Variants in ZP3 observed in about 807,000 individuals in gnomAD.
The protein encoded by ZP3 is zona pellucida sperm-binding protein 3.
In ZP3, 21 loss-of-function variants were observed where a neutral mutation model predicts 35.6. The ratio of observed to expected loss-of-function variants is 0.59; its 90% confidence interval spans 0.42 to 0.85. The LOEUF (loss-of-function observed/expected upper bound fraction) is 0.85, where lower values mean the gene tolerates loss of function less well. ZP3 is among the 40% of genes least tolerant of loss of function. The pLI, the probability that ZP3 is intolerant of heterozygous loss-of-function variation, is 0.00. For missense variants in ZP3, 437 were observed against 536.5 expected (o/e 0.81, Z 1.83); for synonymous variants, 207 against 214.5 (o/e 0.96, Z 0.31).
intron 1 of ZP3, chr7:76,401,056 G>A: frequency 1.3e-6 from 2 of 1,543,810 alleles, no homozygotes; most frequent in Non-Finnish European, 1.8e-6. Flanking sequence ...GAAACAGAGT[G>A]AGGAAGAGCA....
Position 76,404,453 on chromosome 7 carries a change from G to T in ZP3, c.-67+6656G>T, listed in dbSNP as rs78570745. 13 of 1,613,956 alleles carry T rather than the reference G, an allele frequency of 8.1e-6. No homozygotes were observed. The South Asian group carries it at 1.2e-4, about 15-fold the overall frequency. ...TTCCTTGTGCATCTAGATGGTGAAG[G>T]GTGTTTCAGATGCTCCCATCAAGGC... On this transcript the variant is annotated intron_variant, in intron 1 of 8. Coordinates refer to the ZP3 transcript ENST00000336517.
intron 1 of ZP3, among the ~76,000 whole-genome samples, chr7:76,406,147 G>A (rs1262943453): frequency 4.6e-5 from 7 of 151,744 alleles, no homozygotes; most frequent in Admixed American, 1.3e-4. Context: ...CACCACGCCC[G>A]GCTCATTTTT....
rs76436061 is a variant in ZP3 at position 76,401,039 on chromosome 7, G to A, written c.-67+3242G>A. On this transcript the variant is annotated intron_variant, in intron 1 of 8. Transcript: ENST00000336517. Reference sequence around the variant, plus strand: ...AGGGCAGTGGAGTGGGCTGTAGGGCGCTGGCTGAAACAGAGTGAGGAAGAG... The same window carrying A: ...AGGGCAGTGGAGTGGGCTGTAGGGCACTGGCTGAAACAGAGTGAGGAAGAG... 6.1e-3 allele frequency: 9,466 copies of A among 1,547,534 alleles called. 375 individuals carry two copies. In the African/African-American group the frequency reaches 0.099, roughly 16 times the overall value.
At chr7:76,433,710 T>G (rs1160259085) in intron 4 of ZP3, 63 bp downstream of exon 4, 16 of 1,519,040 alleles carry the variant, frequency 1.1e-5, no homozygotes, top group African/African-American at 4.2e-5. Context: ...GCCACCTGTT[T>G]GGCTTTTTGA....
intron 1 of ZP3, among the ~76,000 whole-genome samples, chr7:76,416,875 TAC>T (rs1367328690): frequency 6.4e-5 from 9 of 141,048 alleles, no homozygotes; most frequent in South Asian, 2.1e-4. Flanking sequence ...CACACATATA[TAC>T]ACACATACAT....
chr7:76,404,549 T>C (rs1404307205), intron 1 of ZP3: 2 of 1,553,126 alleles, frequency 1.3e-6, no homozygotes, highest in East Asian at 2.3e-5. Flanking sequence ...CCCAGCACTT[T>C]GGGAGGCCGA....
chr7:76,437,145 C>T (rs1806040387), intron 5 of ZP3, among the ~76,000 whole-genome samples: 1 of 150,452 alleles, frequency 6.6e-6, no homozygotes, highest in Non-Finnish European at 1.5e-5. Flanking sequence ...GGTGCTATTG[C>T]CCTCAACAGA....
chr7:76,439,349 T>C (rs2115946604), intron 5 of ZP3, among the ~76,000 whole-genome samples: 1 of 152,342 alleles, frequency 6.6e-6, no homozygotes, highest in African/African-American at 2.4e-5. Context: ...CTGCTAGCTA[T>C]TAAGGTGTCT....
At chr7:76,423,063 GAAA>G (rs1805558623), upstream of ZP3, among the ~76,000 whole-genome samples, 8 of 145,970 alleles carry the variant, frequency 5.5e-5, no homozygotes, top group Admixed American at 4.2e-4. Flanking sequence ...AAGAAAGAAA[GAAA>G]GAAAGAAAGA....
Position 76,404,184 on chromosome 7 carries a change from T to A in ZP3, c.-67+6387T>A, listed in dbSNP as rs200052262. ...CTCTTTTGTCAACTCTGGGCAAAGGTCAGCATTGGAAAGAACAACAGGAAC... is the reference window on the plus strand; with the variant it reads ...CTCTTTTGTCAACTCTGGGCAAAGGACAGCATTGGAAAGAACAACAGGAAC... On this transcript the variant is annotated intron_variant, in intron 1 of 8. Coordinates refer to the ZP3 transcript ENST00000336517. The A allele has an allele frequency of 3.3e-5, 44 of 1,351,946 alleles. No homozygotes were observed. The East Asian group carries it at 1.1e-3, about 35-fold the overall frequency. 83.7% of individuals were successfully genotyped at this position (1,351,946 alleles called of 1,614,324 possible).
At chr7:76,436,739 T>G (rs1806025582) in intron 5 of ZP3, among the ~76,000 whole-genome samples, 1 of 152,200 alleles carries the variant, frequency 6.6e-6, no homozygotes, top group African/African-American at 2.4e-5. Flanking sequence ...CGATAGCTCC[T>G]TAGGGGAGAG....
At chr7:76,432,140 A>G (rs1805847847) in intron 2 of ZP3, among the ~76,000 whole-genome samples, 3 of 149,816 alleles carry the variant, frequency 2.0e-5, no homozygotes, top group Admixed American at 6.7e-5. Context: ...CTCCCATCTC[A>G]GCCTCCTGAG....
chr7:76,417,251 G>T (rs2115856275), intron 1 of ZP3, among the ~76,000 whole-genome samples: 1 of 152,016 alleles, frequency 6.6e-6, no homozygotes, highest in African/African-American at 2.4e-5. Flanking sequence ...TAAAGACAGG[G>T]TTTCTCCGTG....
At chr7:76,423,820 C>T (rs981895376), upstream of ZP3, among the ~76,000 whole-genome samples, 3 of 151,798 alleles carry the variant, frequency 2.0e-5, no homozygotes, top group African/African-American at 7.3e-5. Context: ...TGAGATTGCA[C>T]CACTACACTC....
In ZP3 at chr7:76,440,144, G is replaced by A. The variant is rs1340822297; in HGVS notation, c.832-106G>A. 8 of 1,475,140 alleles carry A rather than the reference G, an allele frequency of 5.4e-6. No homozygotes were observed. The East Asian group carries it at 2.0e-4, about 36-fold the overall frequency. The allele number at this position is 1,475,140 out of a possible 1,614,324, so 91.4% of individuals were successfully genotyped here. On this transcript the variant is annotated intron_variant, in intron 5 of 7. Coordinates refer to ENST00000394857, the MANE Select transcript of ZP3 (RefSeq NM_001110354.2). ...TTATAGGTGTGTGCCAATGCACCCG[G>A]CCCCTTCTCACTCTTTAAAGGGTTG...
At chr7:76,410,181 A>G (rs1175433725) in intron 1 of ZP3, among the ~76,000 whole-genome samples, 1 of 151,872 alleles carries the variant, frequency 6.6e-6, no homozygotes, top group Non-Finnish European at 1.5e-5. Context: ...ACAGGCATGC[A>G]CCACCATGCC....
At chr7:76,441,700 T>C (rs1387183896) in intron 7 of ZP3, 142 bp from the exon 8 acceptor site, 2 of 1,290,370 alleles carry the variant, frequency 1.5e-6, no homozygotes, top group African/African-American at 3.1e-5. Flanking sequence ...GAAAGCTGTG[T>C]TTTTTTTGTC....
upstream of ZP3, among the ~76,000 whole-genome samples, chr7:76,423,484 T>C (rs1201548691): frequency 1.3e-5 from 2 of 152,142 alleles, no homozygotes; most frequent in Non-Finnish European, 2.9e-5. Context: ...CTTCCTGAGG[T>C]GGGACACTCC....
chr7:76,423,316 A>G (rs962998221), upstream of ZP3, among the ~76,000 whole-genome samples: 5 of 152,128 alleles, frequency 3.3e-5, no homozygotes, highest in African/African-American at 1.2e-4. Flanking sequence ...TAGGCAAAGC[A>G]TGGGAATTTA....
Sources: gnomAD v4.1 joint callset for allele counts (sites outside exome capture counted in the v4.1 genomes callset) on GRCh38, gnomAD v4.1.1 for gene constraint, MANE v1.5 for transcripts, NCBI Gene and HGNC (gene_info 2026-07-23, HGNC 2026-07-21) for gene names.